PRPF38B: variants seen among roughly 807,000 people sequenced by gnomAD.
PRPF38B encodes pre-mRNA processing factor 38B, also known as pre-mRNA-splicing factor 38B.
In PRPF38B, 18 loss-of-function variants were observed where a neutral mutation model predicts 67.2. The observed-to-expected ratio is 0.27, with a 90% CI of 0.19 to 0.40. The LOEUF (loss-of-function observed/expected upper bound fraction) is 0.40. Among genes scored for constraint, PRPF38B ranks in the 10% least tolerant of loss-of-function variants. The pLI, the probability that PRPF38B is intolerant of heterozygous loss-of-function variation, is 1.00. For synonymous variants in PRPF38B, 246 were observed against 234.2 expected (o/e 1.05, Z -0.46); for missense variants, 544 against 684.9 (o/e 0.79, Z 2.30).
rs1378695582 is a variant in PRPF38B at position 108,699,149 on chromosome 1, C to G, written c.783-13C>G. ...ATTCATTGAAATTTTCTTTCTCCCT[C>G]CGCCTTCCTTAGGTCTCCAAGGAGA... On this transcript the variant is annotated splice_polypyrimidine_tract_variant and intron_variant, in intron 5 of 5. Transcript: ENST00000370025. 6.4e-7 allele frequency: 1 copy of G among 1,572,308 alleles called. No homozygotes were observed. Among genetic ancestry groups the G allele is most frequent in the Non-Finnish European group, 8.6e-7 (1 of 1,164,322 alleles).
chr1:108,693,064 G>T (rs1405211738), intron 1 of PRPF38B, among the ~76,000 whole-genome samples, 197 bp downstream of exon 1: 2 of 152,162 alleles, frequency 1.3e-5, no homozygotes, highest in Admixed American at 6.5e-5. Context: ...TAGATTTTTA[G>T]GGCCGGGAGA....
At position 108,694,116 on chromosome 1, in the gene PRPF38B, A is replaced by T. The variant is rs987569875; in HGVS notation, c.276+1249A>T. Among the ~76,000 whole-genome samples, 13 of 152,254 alleles carry T rather than the reference A, an allele frequency of 8.5e-5. No individual in the cohort carries two copies. In the South Asian group the frequency reaches 2.7e-3, roughly 32 times the overall value. On this transcript the variant is annotated intron_variant, in intron 1 of 5. Transcript: ENST00000370025. ...GAATACAGTTCAACTTTGGGTTGAT[A>T]AAGTACACAAATAAATTTGGAATCC... is the stretch of plus-strand genomic sequence containing the variant.
chr1:108,702,256 G>A lies in PRPF38B; in HGVS notation c.*2236G>A, dbSNP rs1660579838. 6.6e-6 allele frequency among the ~76,000 whole-genome samples: 1 copy of A among 152,100 alleles called. No homozygotes were observed. On this transcript the variant is annotated 3_prime_UTR_variant, in exon 6 of 6. Transcript: ENST00000370025. ...TCCTCCGAACTTGGCCTCCTAAGTA[G>A]CTGGGACCACAGGTGCATGCTAGCA... is the stretch of plus-strand genomic sequence containing the variant.
At chr1:108,698,213 TA>T (rs1348883605) in intron 4 of PRPF38B, 2 of 157,136 alleles carry the variant, frequency 1.3e-5, no homozygotes, top group Admixed American at 1.3e-4. Context: ...AGGAATTATC[TA>T]AAGTAGATCA....
rs1659439401 is a variant in PRPF38B, at chr1:108,692,704, C to T, written c.113C>T (p.Ala38Val). The change falls in exon 1 of 6, where the codon GCG becomes GTG. Residue 38 changes from alanine (A) to valine (V), a missense_variant. Transcript: ENST00000370025. ...GGCGGCGGCGGCGCTACCAAGCCGGCGGTCTCCGGCAAGCAGGGCAATGTG... is the reference window on the plus strand; with the variant it reads ...GGCGGCGGCGGCGCTACCAAGCCGGTGGTCTCCGGCAAGCAGGGCAATGTG... ...QCGGGGATKP[A>V]VSGKQGNVLP... 1.2e-6 allele frequency: 2 copies of T among 1,613,316 alleles called. No homozygotes were observed. The highest frequency in any genetic ancestry group is 1.7e-5 in the Admixed American group (1 of 60,012).
intron 1 of PRPF38B, chr1:108,693,532 G>A: frequency 1.2e-6 from 1 of 856,484 alleles, no homozygotes; most frequent in South Asian, 5.4e-5. Flanking sequence ...GCTGTGCTGG[G>A]GAGCTCACCT....
intron 1 of PRPF38B, among the ~76,000 whole-genome samples, chr1:108,694,647 C>G (rs1659678737): frequency 6.6e-6 from 1 of 152,114 alleles, no homozygotes; most frequent in Admixed American, 6.5e-5. Flanking sequence ...AGTGCTTAAA[C>G]TTACATGCAC....
intron 1 of PRPF38B, among the ~76,000 whole-genome samples, chr1:108,694,897 A>G (rs1227259196): frequency 6.6e-6 from 1 of 152,070 alleles, no homozygotes; most frequent in Non-Finnish European, 1.5e-5. Context: ...TGTTCCTCTT[A>G]GCAAATATGA....
At chr1:108,693,322 G>A (rs1202336362) in intron 1 of PRPF38B, among the ~76,000 whole-genome samples, 2 of 152,108 alleles carry the variant, frequency 1.3e-5, no homozygotes, top group Non-Finnish European at 2.9e-5. Flanking sequence ...ATCCGATCCA[G>A]GCAGGGAAAT....
At position 108,692,696 on chromosome 1, in the gene PRPF38B, C is replaced by G; in HGVS notation, c.105C>G (p.Thr35=). ...QQQQCGGGGA[T]KPAVSGKQGN... The stretch of plus-strand genomic sequence containing the variant: ...AGCAGTGCGGCGGCGGCGGCGCTAC[C>G]AAGCCGGCGGTCTCCGGCAAGCAGG... The change falls in exon 1 of 6, where the codon ACC becomes ACG. Residue 35 remains threonine (T), a synonymous_variant. Coordinates refer to ENST00000370025, the MANE Select transcript of PRPF38B (RefSeq NM_018061.4). 1.2e-6 allele frequency: 2 copies of G among 1,613,280 alleles called. No homozygotes were observed. The highest frequency in any genetic ancestry group is 1.7e-6 in the Non-Finnish European group (2 of 1,180,022).
At position 108,702,431 on chromosome 1, in the gene PRPF38B, C is replaced by T. The variant is rs764633057; in HGVS notation, c.*2411C>T. 3.3e-5 allele frequency among the ~76,000 whole-genome samples: 5 copies of T among 152,008 alleles called. No individual in the cohort carries two copies. The highest frequency in any genetic ancestry group is 6.6e-5 in the Admixed American group (1 of 15,238). Reference sequence around the variant, plus strand: ...GAGCCACCACTCCAGTCCCTTCTTACGATTTTTAAATATGTTTGCTTTTGA... The same window carrying T: ...GAGCCACCACTCCAGTCCCTTCTTATGATTTTTAAATATGTTTGCTTTTGA... On this transcript the variant is annotated 3_prime_UTR_variant, in exon 6 of 6. Coordinates refer to ENST00000370025, the MANE Select transcript of PRPF38B (RefSeq NM_018061.4).
chr1:108,696,230 C>G (rs752166677), intron 3 of PRPF38B, 36 bp downstream of exon 3: 1 of 1,610,786 alleles, frequency 6.2e-7, no homozygotes, highest in East Asian at 2.2e-5. Context: ...CAGTAAATAT[C>G]TCATTTTAAT....
chr1:108,702,388 C>T lies in PRPF38B; in HGVS notation c.*2368C>T, dbSNP rs556253595. 1.2e-4 allele frequency among the ~76,000 whole-genome samples: 19 copies of T among 152,168 alleles called. No individual in the cohort carries two copies. The highest frequency in any genetic ancestry group is 3.1e-4 in the African/African-American group (13 of 41,540). ...ATCCACCCACCTCAGCCTCCCAAAGCGCTGTGATTACAGGTGTGAGCCACC... is the reference window on the plus strand; with the variant it reads ...ATCCACCCACCTCAGCCTCCCAAAGTGCTGTGATTACAGGTGTGAGCCACC... On this transcript the variant is annotated 3_prime_UTR_variant, in exon 6 of 6. Transcript: ENST00000370025.
At chr1:108,694,953 C>G (rs533071753) in intron 1 of PRPF38B, among the ~76,000 whole-genome samples, 47 of 152,158 alleles carry the variant, frequency 3.1e-4, no homozygotes, top group Admixed American at 1.0e-3. Flanking sequence ...AGTGACTATT[C>G]ACACTCAGTT....
Position 108,692,602 on chromosome 1 carries a change from A to G in PRPF38B, c.11A>G (p.Asn4Ser). The change falls in exon 1 of 6, where the codon AAC (asparagine) becomes AGC (serine). Residue 4 changes from asparagine (N) to serine (S), a missense_variant. Coordinates refer to ENST00000370025, the MANE Select transcript of PRPF38B (RefSeq NM_018061.4). ...TCCTTCCGCCGCAACATGGCTAACAACAGCCCCGCGCTGACAGGCAACTCG... is the reference window on the plus strand; with the variant it reads ...TCCTTCCGCCGCAACATGGCTAACAGCAGCCCCGCGCTGACAGGCAACTCG... MANNSPALTGNSQP... is the reference protein window; with the variant it reads MANSSPALTGNSQP... 4 of 1,593,118 alleles carry G rather than the reference A, an allele frequency of 2.5e-6. No individual in the cohort carries two copies. Among genetic ancestry groups the G allele is most frequent in the Non-Finnish European group, 3.4e-6 (4 of 1,170,828 alleles).
In PRPF38B at chr1:108,692,558, C is replaced by G. The variant is rs115485065; in HGVS notation, c.-34C>G. On this transcript the variant is annotated 5_prime_UTR_variant, in exon 1 of 6. Transcript: ENST00000370025. ...GAGATCGAGCTTGGCCCCCTCCCCC[C>G]CCTCCTTCCCTCCCTCCTTCCTTCC... 56,820 of 1,504,498 alleles carry G rather than the reference C, an allele frequency of 0.038. 1,460 individuals carry two copies. The highest frequency in any genetic ancestry group is 0.044 in the Middle Eastern group (195 of 4,464). 93.2% of individuals were successfully genotyped at this position (1,504,498 alleles called of 1,614,324 possible).
At chr1:108,696,478 C>G (rs1222532442) in intron 4 of PRPF38B, 141 bp downstream of exon 4, 2 of 728,714 alleles carry the variant, frequency 2.7e-6, no homozygotes, top group Non-Finnish European at 4.5e-6. Flanking sequence ...AATTAATGTC[C>G]TTTTACTGAG....
At chr1:108,698,187 A>G (rs1406308902) in intron 4 of PRPF38B, 1 of 154,070 alleles carries the variant, frequency 6.5e-6, no homozygotes, top group Non-Finnish European at 1.4e-5. Flanking sequence ...GAGCTGTTAA[A>G]AGATAACCTT....
intron 1 of PRPF38B, among the ~76,000 whole-genome samples, chr1:108,694,531 G>A (rs1367718196): frequency 2.0e-5 from 3 of 151,974 alleles, no homozygotes; most frequent in Non-Finnish European, 4.4e-5. Context: ...ATTTTATTTT[G>A]TATGCATCCA....
Sources: allele counts gnomAD v4.1 joint callset (sites outside exome capture counted in the v4.1 genomes callset), GRCh38; gene constraint gnomAD v4.1.1; transcripts MANE v1.5; gene names NCBI Gene and HGNC (gene_info 2026-07-23, HGNC 2026-07-21).